Variants in PC observed in about 807,000 individuals in gnomAD.
PC encodes pyruvate carboxylase.
A neutral mutation model predicts 107.8 loss-of-function variants in PC; 46 were observed. That is an observed-to-expected ratio of 0.43 (90% CI 0.34 to 0.55). The LOEUF (loss-of-function observed/expected upper bound fraction) is 0.55, where lower values mean the gene tolerates loss of function less well. Ranked by LOEUF, PC falls within the 20% of genes least tolerant of loss-of-function variation. The pLI, the probability that PC is intolerant of heterozygous loss-of-function variation, is 0.04. For synonymous variants in PC, 662 were observed against 684.7 expected, an observed-to-expected ratio of 0.97 and a Z score of 0.52; for missense variants, 1,241 against 1,643.1, an observed-to-expected ratio of 0.76 and a Z score of 4.23.
At chr11:66,930,311 C>G (rs1435589112) in intron 3 of PC, among the ~76,000 whole-genome samples, 1 of 152,166 alleles carries the variant, frequency 6.6e-6, no homozygotes, top group Non-Finnish European at 1.5e-5. Flanking sequence ...CTACTGATGG[C>G]AGGAGAAGGG....
intron 3 of PC, among the ~76,000 whole-genome samples, chr11:66,946,092 C>CA (rs757767116): frequency 0.03 from 1,929 of 64,624 alleles, 35 homozygotes; most frequent in East Asian, 0.063. Flanking sequence ...GACTCCGTCT[C>CA]AAAAAAAAAA....
At chr11:66,869,043 G>A (rs1254227756) in intron 9 of PC, 79 bp from the exon 10 acceptor site, 7 of 1,104,062 alleles carry the variant, frequency 6.3e-6, no homozygotes, top group African/African-American at 3.1e-5. Context: ...CAGGGATTCC[G>A]TCCCACCCAT....
At position 66,871,993 on chromosome 11, in the gene PC, G is replaced by A. The variant is rs1946754380; in HGVS notation, c.136+31C>T. 2 of 1,557,514 alleles carry A rather than the reference G, an allele frequency of 1.3e-6. No individual in the cohort carries two copies. The highest frequency in any genetic ancestry group is 1.7e-6 in the Non-Finnish European group (2 of 1,150,646). On this transcript the variant is annotated intron_variant, in intron 4 of 22. Transcript: ENST00000393960. This position sits in a 1 kb window ranked among gnomAD's most constrained non-coding sequence, Gnocchi z 7.4. Reference sequence around the variant, plus strand: ...AATGCCAAGGCTGGGGCGGCCATGAGGCTCCTCTCACCGGCCCCACTGGTG... The same window carrying A: ...AATGCCAAGGCTGGGGCGGCCATGAAGCTCCTCTCACCGGCCCCACTGGTG...
chr11:66,913,063 G>A (rs577059194), intron 3 of PC, among the ~76,000 whole-genome samples: 11 of 152,266 alleles, frequency 7.2e-5, no homozygotes, highest in East Asian at 1.9e-4. Context: ...CGTGAAACCC[G>A]GGTGGGAATG....
At position 66,941,641 on chromosome 11, in the gene PC, G is replaced by A. The variant is rs959558858; in HGVS notation, c.-1+10789C>T. Among the ~76,000 whole-genome samples, 11 of 152,180 alleles carry A rather than the reference G, an allele frequency of 7.2e-5. No homozygotes were observed. The South Asian group carries it at 1.9e-3, about 26-fold the overall frequency. The stretch of plus-strand genomic sequence containing the variant: ...CGAGTAGCTGAGACTACAGGTGCCC[G>A]CCACCATGCCCAGCTAATTTTTTGT... On this transcript the variant is annotated intron_variant, in intron 3 of 22. Coordinates refer to ENST00000393960, the MANE Select transcript of PC (RefSeq NM_001040716.2).
At chr11:66,913,333 C>T (rs1948385926) in intron 3 of PC, among the ~76,000 whole-genome samples, 1 of 151,810 alleles carries the variant, frequency 6.6e-6, no homozygotes, top group Non-Finnish European at 1.5e-5. Flanking sequence ...ACTTGAGTCA[C>T]TCAAAATTAG....
At chr11:66,939,820 A>AC (rs1949083050) in intron 3 of PC, among the ~76,000 whole-genome samples, 3 of 150,450 alleles carry the variant, frequency 2.0e-5, no homozygotes, top group South Asian at 2.1e-4. Flanking sequence ...AAAAAAAAAA[A>AC]AAAAAACCAA....
rs1945291815 is a variant in PC at position 66,848,719 on chromosome 11, G to A, written c.*180C>T. The A allele has an allele frequency of 9.7e-6, 7 of 720,350 alleles. No individual in the cohort carries two copies. The South Asian group carries it at 1.2e-4, about 12-fold the overall frequency. The allele number at this position is 720,350 out of a possible 1,614,324, so 44.6% of individuals were successfully genotyped here. A position where few individuals can be genotyped will look rare whatever the true frequency, so the allele number is the denominator to read the frequency against. ...ACATGTAAGCAGCTGTCCGCCGGAGGAAAGGACGATGGCTGAAAGGAATGA... is the reference window on the plus strand; with the variant it reads ...ACATGTAAGCAGCTGTCCGCCGGAGAAAAGGACGATGGCTGAAAGGAATGA... On this transcript the variant is annotated 3_prime_UTR_variant, in exon 23 of 23. Transcript: ENST00000393960.
At chr11:66,942,839 C>T (rs1345033443) in intron 3 of PC, among the ~76,000 whole-genome samples, 1 of 151,726 alleles carries the variant, frequency 6.6e-6, no homozygotes, top group East Asian at 1.9e-4. Flanking sequence ...ATGGAGAAAA[C>T]CCGTCTCTAC....
At position 66,857,791 on chromosome 11, in the gene PC, C is replaced by A. The variant is rs762706215; in HGVS notation, c.1369-4408G>T. 6.3e-7 allele frequency: 1 copy of A among 1,598,020 alleles called. No homozygotes were observed. Among genetic ancestry groups the A allele is most frequent in the South Asian group, 1.1e-5 (1 of 90,990 alleles). On this transcript the variant is annotated intron_variant, in intron 12 of 22. Transcript: ENST00000393960. This position sits in a 1 kb window ranked among gnomAD's most constrained non-coding sequence, Gnocchi z 7.1. ...CTGCTGCTGGCCAGTGGAGCGGCCG[C>A]CTGCCCGCTGCCCTGCGTCTGCCAG... is the stretch of plus-strand genomic sequence containing the variant.
chr11:66,878,246 C>T (rs1947054887), intron 3 of PC, among the ~76,000 whole-genome samples: 1 of 152,114 alleles, frequency 6.6e-6, no homozygotes, highest in Non-Finnish European at 1.5e-5. Context: ...AAGCTTTTTC[C>T]AGGGAGCCCC....
rs978200232 is a variant in PC, at chr11:66,871,558, C to T, written c.322-78G>A. On this transcript the variant is annotated intron_variant, in intron 5 of 22. Coordinates refer to ENST00000393960, the MANE Select transcript of PC (RefSeq NM_001040716.2). This position sits in a 1 kb window ranked among gnomAD's most constrained non-coding sequence, Gnocchi z 7.4. ...TCGGCCAGCCTCTTCCCCTGCCTAA[C>T]CTGCTGAGCTGCATCCGTTTACCCA... The T allele has an allele frequency of 1.9e-6, 3 of 1,597,430 alleles. No individual in the cohort carries two copies. In the African/African-American group the frequency reaches 4.0e-5, roughly 21 times the overall value.
chr11:66,869,824 C>T (rs1052688454), intron 9 of PC, among the ~76,000 whole-genome samples: 3 of 152,174 alleles, frequency 2.0e-5, no homozygotes, highest in African/African-American at 7.2e-5. Flanking sequence ...CCCAGGACCC[C>T]CCGACCAGAG....
At chr11:66,853,206 G>A (rs1291710945) in intron 13 of PC, 33 bp downstream of exon 13, 3 of 1,609,736 alleles carry the variant, frequency 1.9e-6, no homozygotes, top group Non-Finnish European at 1.7e-6. Context: ...CGGAGGGGAG[G>A]GGAGGGCAGG....
intron 3 of PC, among the ~76,000 whole-genome samples, chr11:66,942,377 G>A (rs981587616): frequency 3.4e-5 from 5 of 148,080 alleles, no homozygotes; most frequent in Non-Finnish European, 7.4e-5. Context: ...TCCAGCCTGG[G>A]CGACAGAGCG....
chr11:66,868,766 G>T lies in PC; in HGVS notation c.1022+80C>A, dbSNP rs561565046. The T allele has an allele frequency of 3.7e-4, 398 of 1,082,658 alleles. 2 individuals carry two copies. In the South Asian group the frequency reaches 4.8e-3, roughly 13 times the overall value. 67.1% of individuals were successfully genotyped at this position (1,082,658 alleles called of 1,614,324 possible). A position where few individuals can be genotyped will look rare whatever the true frequency, so the allele number is the denominator to read the frequency against. ...GGGGAGTGAGCAAGCCCCCTGGCTG[G>T]CCCCAGGAGCCACTTCGCCTGTACT... On this transcript the variant is annotated intron_variant, in intron 10 of 22. Transcript: ENST00000393960.
intron 12 of PC, chr11:66,859,964 G>A (rs1285425120): frequency 6.2e-7 from 1 of 1,602,072 alleles, no homozygotes; most frequent in Non-Finnish European, 8.5e-7. Context: ...TCCAGTCCCA[G>A]ACCAATGGAG....
At chr11:66,932,033 A>G in intron 3 of PC, among the ~76,000 whole-genome samples, 1 of 151,088 alleles carries the variant, frequency 6.6e-6, no homozygotes, top group East Asian at 1.9e-4. Context: ...AAAAAAAAAA[A>G]AGAAAAAGAA....
chr11:66,916,495 G>A (rs937486100), intron 3 of PC, among the ~76,000 whole-genome samples: 12 of 152,172 alleles, frequency 7.9e-5, no homozygotes, highest in African/African-American at 2.2e-4. Flanking sequence ...TCAATTTCTG[G>A]GGGACCTGAG....
Sources: gnomAD v4.1 joint callset for allele counts (sites outside exome capture counted in the v4.1 genomes callset) on GRCh38, gnomAD v4.1.1 for gene constraint, Gnocchi (gnomAD v3.1) non-coding constraint, MANE v1.5 for transcripts, NCBI Gene and HGNC (gene_info 2026-07-23, HGNC 2026-07-21) for gene names.